The following KIF18A variants were observed in gnomAD, a reference collection of about 807,000 sequenced individuals.
KIF18A encodes kinesin-like protein KIF18A.
In KIF18A, 67 loss-of-function variants were observed where a neutral mutation model predicts 103.3. The ratio of observed to expected loss-of-function variants is 0.65; its 90% CI spans 0.53 to 0.79. KIF18A has a LOEUF of 0.79. KIF18A is among the 30% of genes least tolerant of loss of function. The probability of loss-of-function intolerance (pLI) is 0.00; values close to 1 mark genes in which losing one functional copy is unlikely to be tolerated. For missense variants in KIF18A, 1,032 were observed against 1,062.5 expected, an observed-to-expected ratio of 0.97 and a Z score of 0.40; for synonymous variants, 367 against 355.5, an observed-to-expected ratio of 1.03 and a Z score of -0.36.
intron 10 of KIF18A, among the ~76,000 whole-genome samples, chr11:28,070,907 T>C (rs978471409): frequency 6.6e-6 from 1 of 152,106 alleles, no homozygotes; most frequent in Admixed American, 6.6e-5. Context: ...TTTAGGCTGG[T>C]TTCGTGGCAT....
intron 9 of KIF18A, among the ~76,000 whole-genome samples, chr11:28,078,987 C>A (rs1322641172): frequency 1.3e-5 from 2 of 151,990 alleles, no homozygotes; most frequent in South Asian, 2.1e-4. Flanking sequence ...TTAACTTCTT[C>A]ATAAATACAA....
At chr11:28,053,821 G>C (rs1203934656) in intron 13 of KIF18A, among the ~76,000 whole-genome samples, 1 of 151,802 alleles carries the variant, frequency 6.6e-6, no homozygotes, top group Admixed American at 6.6e-5. Flanking sequence ...TTAGGTGTTG[G>C]GCACATGGTA....
chr11:28,065,708 T>C (rs550801251), intron 11 of KIF18A, among the ~76,000 whole-genome samples: 1 of 151,992 alleles, frequency 6.6e-6, no homozygotes, highest in Non-Finnish European at 1.5e-5. Context: ...AAAGGCAAAC[T>C]AGTAAATTTC....
At chr11:28,104,472 C>G (rs1046243019) in intron 1 of KIF18A, among the ~76,000 whole-genome samples, 5 of 152,126 alleles carry the variant, frequency 3.3e-5, no homozygotes, top group African/African-American at 1.2e-4. Flanking sequence ...GGCATTACCT[C>G]CAGATATTTG....
At position 28,062,393 on chromosome 11, in the gene KIF18A, A is replaced by G. The variant is rs1211486424; in HGVS notation, c.1712+2T>C. ...GGAAAATAGGTAAATGTATGTACTC[A>G]CGCTTCAGTCTGCCTGTGTTGCTGT... On this transcript the variant is annotated splice_donor_variant, in intron 12 of 16. Coordinates refer to ENST00000263181, the MANE Select transcript of KIF18A (RefSeq NM_031217.4). LOFTEE classifies it high-confidence loss of function. 1 of 1,604,112 alleles carries G rather than the reference A, an allele frequency of 6.2e-7. No homozygotes were observed. The highest frequency in any genetic ancestry group is 8.5e-7 in the Non-Finnish European group (1 of 1,175,218).
intron 11 of KIF18A, among the ~76,000 whole-genome samples, chr11:28,066,052 A>C (rs578150178): frequency 6.6e-6 from 1 of 152,164 alleles, no homozygotes; most frequent in East Asian, 1.9e-4. Flanking sequence ...ATCTATGAGA[A>C]TATCACAGCC....
At chr11:28,059,301 T>C (rs113720192) in intron 12 of KIF18A, 140 bp from the exon 13 acceptor site, 15 of 679,772 alleles carry the variant, frequency 2.2e-5, no homozygotes, top group African/African-American at 1.8e-4. Flanking sequence ...TAGTCTCAGA[T>C]TGTCTTCACT....
intron 13 of KIF18A, among the ~76,000 whole-genome samples, chr11:28,048,434 G>A (rs745490372): frequency 4.6e-5 from 7 of 151,918 alleles, no homozygotes; most frequent in African/African-American, 1.2e-4. Flanking sequence ...ATTCATATTC[G>A]TTGATAGCAA....
At chr11:28,048,401 T>G (rs6484349) in intron 13 of KIF18A, among the ~76,000 whole-genome samples, 13,254 of 152,070 alleles carry the variant, frequency 0.087, 1,026 homozygotes, top group East Asian at 0.36. Context: ...AAATATAATA[T>G]GCAGCTATTA....
intron 11 of KIF18A, among the ~76,000 whole-genome samples, chr11:28,064,801 G>C (rs1383258299): frequency 2.0e-5 from 3 of 152,038 alleles, no homozygotes; most frequent in Non-Finnish European, 4.4e-5. Flanking sequence ...CTGATTGGAA[G>C]AACATGGCTT....
At chr11:28,031,572 C>T (rs943851498) in intron 15 of KIF18A, among the ~76,000 whole-genome samples, 1 of 151,742 alleles carries the variant, frequency 6.6e-6, no homozygotes. Context: ...AGGAGATATA[C>T]CAAATGTAAA....
At chr11:28,038,705 C>A (rs1321873885) in intron 13 of KIF18A, among the ~76,000 whole-genome samples, 3 of 151,574 alleles carry the variant, frequency 2.0e-5, no homozygotes, top group Non-Finnish European at 4.4e-5. Flanking sequence ...TTGACAATTA[C>A]CCTCTAGGAA....
chr11:28,030,570 TA>T (rs1234974210), intron 15 of KIF18A, among the ~76,000 whole-genome samples: 1 of 152,066 alleles, frequency 6.6e-6, no homozygotes, highest in Admixed American at 6.6e-5. Context: ...GCTAAAACCA[TA>T]AAAACCCCAG....
chr11:28,048,027 A>G (rs1850661513), intron 13 of KIF18A, among the ~76,000 whole-genome samples: 1 of 152,108 alleles, frequency 6.6e-6, no homozygotes, highest in African/African-American at 2.4e-5. Context: ...TCTCTGAGAG[A>G]AATAATTCTT....
rs767707078 is a variant in KIF18A at position 28,088,699 on chromosome 11, T to C, written c.722A>G (p.Lys241Arg). 1.9e-6 allele frequency: 3 copies of C among 1,613,682 alleles called. No homozygotes were observed. Among genetic ancestry groups the C allele is most frequent in the African/African-American group, 2.7e-5 (2 of 74,918 alleles). Residue 241 changes from lysine (K) to arginine (R), a missense_variant, in exon 6 of 17, where the codon AAA becomes AGA. By Grantham distance (26) the Lys-to-Arg change is conservative. Coordinates refer to ENST00000263181, the MANE Select transcript of KIF18A (RefSeq NM_031217.4). The stretch of plus-strand genomic sequence containing the variant: ...GACATTTTGATTGATACTTGCTGTT[T>C]TGTCTTGTTGTCGCAAGTAAATCTT... ...VFQIYLRQQD[K>R]TASINQNVRI...
intron 13 of KIF18A, among the ~76,000 whole-genome samples, chr11:28,058,173 A>G (rs1850806401): frequency 6.6e-6 from 1 of 152,142 alleles, no homozygotes; most frequent in African/African-American, 2.4e-5. Flanking sequence ...TGTCTCACAC[A>G]TACTTTTATG....
chr11:28,033,368 A>T (rs1328365974), intron 15 of KIF18A, among the ~76,000 whole-genome samples: 1 of 151,684 alleles, frequency 6.6e-6, no homozygotes, highest in Non-Finnish European at 1.5e-5. Context: ...ATACATGCCA[A>T]AATGAAAGGA....
At position 28,098,460 on chromosome 11, in the gene KIF18A, A is replaced by G. The variant is rs1851403776; in HGVS notation, c.-46-467T>C. On this transcript the variant is annotated intron_variant, in intron 1 of 16. Transcript: ENST00000263181. Reference sequence around the variant, plus strand: ...ATTGGAGAGCCTTAGCTTGTGAACTATTTTTAGTAAAAGTGATCTTGGCTG... The same window carrying G: ...ATTGGAGAGCCTTAGCTTGTGAACTGTTTTTAGTAAAAGTGATCTTGGCTG... 6.6e-5 allele frequency among the ~76,000 whole-genome samples: 10 copies of G among 152,194 alleles called. No homozygotes were observed. The South Asian group carries it at 1.9e-3, about 28-fold the overall frequency.
intron 6 of KIF18A, among the ~76,000 whole-genome samples, chr11:28,088,030 A>C (rs1851253200): frequency 6.6e-6 from 1 of 152,148 alleles, no homozygotes; most frequent in South Asian, 2.1e-4. Context: ...AGAAGCATCT[A>C]GTAAACATTA....
Sources: gnomAD v4.1 joint callset for allele counts (sites outside exome capture counted in the v4.1 genomes callset) on GRCh38, gnomAD v4.1.1 for gene constraint, MANE v1.5 for transcripts, NCBI Gene and HGNC (gene_info 2026-07-23, HGNC 2026-07-21) for gene names.